FBXL7: variants seen among roughly 807,000 people sequenced by gnomAD.
FBXL7 encodes the protein F-box/LRR-repeat protein 7.
FBXL7 carries 12 observed loss-of-function variants against 38.3 expected under a neutral mutation model. The observed-to-expected ratio is 0.31, with a 90% CI of 0.20 to 0.51. The LOEUF (loss-of-function observed/expected upper bound fraction) is 0.51, where lower values mean the gene tolerates loss of function less well. Among genes scored for constraint, FBXL7 ranks in the 20% least tolerant of loss-of-function variants. The probability of loss-of-function intolerance (pLI) is 0.98; values close to 1 mark genes in which losing one functional copy is unlikely to be tolerated. For synonymous variants in FBXL7, 297 were observed against 300.9 expected, an observed-to-expected ratio of 0.99 and a Z score of 0.13; for missense variants, 567 against 676.4, an observed-to-expected ratio of 0.84 and a Z score of 1.79.
chr5:15,611,311 C>CTTTTTTTTTTTTTTTTTTGT (rs61608325), intron 1 of FBXL7, among the ~76,000 whole-genome samples: 1 of 128,194 alleles, frequency 7.8e-6, no homozygotes, highest in Admixed American at 8.0e-5. Context: ...TGTTTTGCCA[C>CTTTTTTTTTTTTTTTTTTGT]TTTTTTTTTT....
chr5:15,766,471 T>C (rs1736595605), intron 2 of FBXL7, among the ~76,000 whole-genome samples: 1 of 152,228 alleles, frequency 6.6e-6, no homozygotes, highest in South Asian at 2.1e-4. Context: ...AGAACTGGCT[T>C]ACAGCCACTG....
chr5:15,525,436 A>C (rs1737225209), intron 1 of FBXL7, among the ~76,000 whole-genome samples: 1 of 152,170 alleles, frequency 6.6e-6, no homozygotes, highest in African/African-American at 2.4e-5. Flanking sequence ...TACCTTCTCT[A>C]GGATGTCTTG....
At chr5:15,898,306 G>T (rs540048322) in intron 2 of FBXL7, among the ~76,000 whole-genome samples, 1 of 152,114 alleles carries the variant, frequency 6.6e-6, no homozygotes, top group African/African-American at 2.4e-5. Flanking sequence ...CCCCAGCCAC[G>T]TTCAAAATTC....
intron 1 of FBXL7, among the ~76,000 whole-genome samples, chr5:15,532,722 A>G (rs77361599): frequency 0.01 from 1,555 of 152,282 alleles, 33 homozygotes; most frequent in African/African-American, 0.036. Flanking sequence ...CTAGCCAGAG[A>G]ACAGAGAACT....
At chr5:15,710,865 G>C (rs1040518024) in intron 2 of FBXL7, among the ~76,000 whole-genome samples, 6 of 152,110 alleles carry the variant, frequency 3.9e-5, no homozygotes, top group African/African-American at 1.4e-4. Context: ...ACCTGGAGGG[G>C]AGTGATATGG....
intron 2 of FBXL7, among the ~76,000 whole-genome samples, chr5:15,906,515 T>A (rs7734198): frequency 0.038 from 4,853 of 129,080 alleles, 109 homozygotes; most frequent in East Asian, 0.1. Flanking sequence ...CACAAAAAAT[T>A]TTTTTTTTTT....
chr5:15,524,484 T>G (rs924623005), intron 1 of FBXL7, among the ~76,000 whole-genome samples: 3 of 152,240 alleles, frequency 2.0e-5, no homozygotes, highest in African/African-American at 4.8e-5. Flanking sequence ...AAATGGTAAC[T>G]GTCATTGCAT....
intron 2 of FBXL7, among the ~76,000 whole-genome samples, chr5:15,667,858 G>A (rs1742336982): frequency 6.6e-6 from 1 of 152,024 alleles, no homozygotes; most frequent in Non-Finnish European, 1.5e-5. Context: ...TATTTTTGCT[G>A]GTATTAACCT....
intron 2 of FBXL7, among the ~76,000 whole-genome samples, chr5:15,708,909 G>T (rs937357933): frequency 1.3e-5 from 2 of 152,164 alleles, no homozygotes; most frequent in Admixed American, 1.3e-4. Flanking sequence ...ATGTGCTTTA[G>T]GGTTTTTGGC....
chr5:15,801,656 T>TGTGTGTGTGTGTGTGTGTGC (rs869247688), intron 2 of FBXL7, among the ~76,000 whole-genome samples: 2 of 146,912 alleles, frequency 1.4e-5, no homozygotes, highest in African/African-American at 4.9e-5. Flanking sequence ...TGTGTGTGTG[T>TGTGTGTGTGTGTGTGTGTGC]GCGCGCGCGC....
At chr5:15,656,252 G>T (rs945385383) in intron 2 of FBXL7, among the ~76,000 whole-genome samples, 5 of 152,192 alleles carry the variant, frequency 3.3e-5, no homozygotes, top group Admixed American at 6.5e-5. Flanking sequence ...AATGCATGGT[G>T]TCATGTGAAT....
chr5:15,809,545 A>G (rs1199198530), intron 2 of FBXL7, among the ~76,000 whole-genome samples: 5 of 152,190 alleles, frequency 3.3e-5, no homozygotes, highest in East Asian at 1.9e-4. Context: ...TTCAATAACT[A>G]TTAGCCTTTA....
chr5:15,801,995 C>A (rs536858252), intron 2 of FBXL7, among the ~76,000 whole-genome samples: 1 of 152,158 alleles, frequency 6.6e-6, no homozygotes, highest in African/African-American at 2.4e-5. Flanking sequence ...GTATTGCTCA[C>A]CTCAGTAGAA....
chr5:15,817,194 C>G (rs1014580604), intron 2 of FBXL7, among the ~76,000 whole-genome samples: 1 of 152,122 alleles, frequency 6.6e-6, no homozygotes, highest in Non-Finnish European at 1.5e-5. Flanking sequence ...ATATCTGAGG[C>G]TTTGTTGATG....
intron 2 of FBXL7, among the ~76,000 whole-genome samples, chr5:15,815,606 T>C (rs761981170): frequency 6.6e-6 from 1 of 152,196 alleles, no homozygotes; most frequent in Non-Finnish European, 1.5e-5. Context: ...ATCAAGATAC[T>C]TGACTATTTA....
In FBXL7 at chr5:15,939,191, T is replaced by C. The variant is rs1327691270; in HGVS notation, c.*2005T>C. On this transcript the variant is annotated 3_prime_UTR_variant, in exon 4 of 4. Coordinates refer to ENST00000504595, the MANE Select transcript of FBXL7 (RefSeq NM_012304.5). ...CATGTGTAATCAAGGCTCTGTGCCA[T>C]GGGGGAAATGAATCATTTAGCTAGG... 2.5e-6 allele frequency: 1 copy of C among 396,984 alleles called. No individual in the cohort carries two copies. The highest frequency in any genetic ancestry group is 4.4e-6 in the Non-Finnish European group (1 of 225,288). The allele number at this position is 396,984 out of a possible 1,614,324, so 24.6% of individuals were successfully genotyped here.
chr5:15,832,607 A>G (rs1738486837), intron 2 of FBXL7, among the ~76,000 whole-genome samples: 1 of 152,196 alleles, frequency 6.6e-6, no homozygotes, highest in African/African-American at 2.4e-5. Flanking sequence ...TCAGTAGAAG[A>G]AGGAAAGCTG....
intron 2 of FBXL7, among the ~76,000 whole-genome samples, chr5:15,663,874 G>A (rs1051195915): frequency 6.6e-6 from 1 of 152,088 alleles, no homozygotes; most frequent in Non-Finnish European, 1.5e-5. Context: ...TTATAGGCAG[G>A]TCTTGCTTTC....
intron 2 of FBXL7, among the ~76,000 whole-genome samples, chr5:15,762,582 C>T (rs1168095035): frequency 1.3e-5 from 2 of 152,152 alleles, no homozygotes; most frequent in Admixed American, 6.5e-5. Flanking sequence ...TATTTAACCT[C>T]CCCTAAGCCT....
Sources: allele counts gnomAD v4.1 joint callset (sites outside exome capture counted in the v4.1 genomes callset), GRCh38; gene constraint gnomAD v4.1.1; transcripts MANE v1.5; gene names NCBI Gene and HGNC (gene_info 2026-07-23, HGNC 2026-07-21).